The following GRAMD1C variants were observed in gnomAD, a reference collection of about 807,000 sequenced individuals.
GRAMD1C encodes protein Aster-C.
In GRAMD1C, 89 loss-of-function variants were observed where a neutral mutation model predicts 97.8. The observed-to-expected ratio is 0.91, with a 90% CI of 0.77 to 1.09. The LOEUF (loss-of-function observed/expected upper bound fraction) is 1.09, where lower values mean the gene tolerates loss of function less well. GRAMD1C is among the 50% of genes least tolerant of loss of function. The pLI, the probability that GRAMD1C is intolerant of heterozygous loss-of-function variation, is 0.00. For missense variants in GRAMD1C, 740 were observed against 766.4 expected (o/e 0.97, Z 0.41); for synonymous variants, 256 against 267.0 (o/e 0.96, Z 0.40).
chr3:113,926,136 C>T lies in GRAMD1C; in HGVS notation c.1091-4578C>T, dbSNP rs549268160. Among the ~76,000 whole-genome samples the T allele has an allele frequency of 3.3e-5, 5 of 152,244 alleles. No homozygotes were observed. The South Asian group carries it at 6.2e-4, about 19-fold the overall frequency. The stretch of plus-strand genomic sequence containing the variant: ...GGGAAGTTTTTGTGGATGATATTTT[C>T]GAATATGTTGTCCAAGTTGCTTGTT... On this transcript the variant is annotated intron_variant, in intron 10 of 17. Coordinates refer to ENST00000358160, the MANE Select transcript of GRAMD1C (RefSeq NM_017577.5).
At chr3:113,933,309 G>A (rs1937509402) in intron 11 of GRAMD1C, among the ~76,000 whole-genome samples, 1 of 152,174 alleles carries the variant, frequency 6.6e-6, no homozygotes, top group African/African-American at 2.4e-5. Flanking sequence ...TGGGATTACA[G>A]GCATAAGCCG....
In GRAMD1C at chr3:113,945,663, C is replaced by T. The variant is rs549033976; in HGVS notation, c.*185C>T. The T allele has an allele frequency of 3.0e-4, 160 of 530,560 alleles. No individual in the cohort carries two copies. The highest frequency in any genetic ancestry group is 2.8e-3 in the African/African-American group (142 of 50,970). The allele number at this position is 530,560 out of a possible 1,614,324, so 32.9% of individuals were successfully genotyped here. On this transcript the variant is annotated 3_prime_UTR_variant, in exon 18 of 18. Transcript: ENST00000358160. ...TTAGTTTCTGCTGGCCTTAATAATCCATCCTTTCACTTCTTATAGATATTT... is the reference window on the plus strand; with the variant it reads ...TTAGTTTCTGCTGGCCTTAATAATCTATCCTTTCACTTCTTATAGATATTT...
chr3:113,918,214 C>T (rs1393915244), intron 10 of GRAMD1C, among the ~76,000 whole-genome samples: 1 of 152,078 alleles, frequency 6.6e-6, no homozygotes, highest in Non-Finnish European at 1.5e-5. Context: ...TATAAATCTT[C>T]CTCTTTACTC....
intron 6 of GRAMD1C, chr3:113,885,565 C>T: frequency 6.4e-7 from 1 of 1,566,422 alleles, no homozygotes; most frequent in Admixed American, 1.7e-5. Context: ...CCTGTTAGGC[C>T]TCCTGACTTC....
intron 10 of GRAMD1C, among the ~76,000 whole-genome samples, chr3:113,917,765 T>G (rs1457871904): frequency 2.0e-5 from 3 of 150,080 alleles, no homozygotes; most frequent in African/African-American, 7.4e-5. Context: ...CAATCTCGGC[T>G]CACTGCAACC....
intron 6 of GRAMD1C, among the ~76,000 whole-genome samples, chr3:113,887,250 C>T (rs1288122090): frequency 1.3e-5 from 2 of 151,728 alleles, no homozygotes; most frequent in African/African-American, 4.8e-5. Flanking sequence ...GCCACCACAC[C>T]CAGCTAATTT....
intron 9 of GRAMD1C, among the ~76,000 whole-genome samples, chr3:113,909,410 A>G (rs1296404703): frequency 1.3e-5 from 2 of 152,240 alleles, no homozygotes; most frequent in Non-Finnish European, 2.9e-5. Flanking sequence ...GCAGTGTGAT[A>G]TGCTCACACG....
At position 113,901,125 on chromosome 3, in the gene GRAMD1C, C is replaced by A; in HGVS notation, c.635C>A (p.Ser212Ter). 1 of 1,589,472 alleles carries A rather than the reference C, an allele frequency of 6.3e-7. No homozygotes were observed. Among genetic ancestry groups the A allele is most frequent in the South Asian group, 1.1e-5 (1 of 90,364 alleles). Residue 212 changes from serine to a stop codon, truncating the protein, a stop_gained, in exon 7 of 18, where the codon TCG becomes TAG. Coordinates refer to ENST00000358160, the MANE Select transcript of GRAMD1C (RefSeq NM_017577.5). LOFTEE classifies it high-confidence loss of function. ...NAEEMENLSLSIEDVQPRSPG... is the reference protein window; with the variant it reads ...NAEEMENLSL ...GAGGAGATGGAAAACTTGTCACTGT[C>A]GATTGAGGATGTGCAGCCAAGGTAC...
rs143560955 is a variant in GRAMD1C at position 113,854,509 on chromosome 3, G to C, written c.174+9860G>C. 5.4e-4 allele frequency among the ~76,000 whole-genome samples: 82 copies of C among 152,308 alleles called. No homozygotes were observed. In the East Asian group the frequency reaches 8.9e-3, roughly 16 times the overall value. On this transcript the variant is annotated intron_variant, in intron 2 of 17. Transcript: ENST00000358160. ...ACAATGATCTACTGCGTTAGGTTGA[G>C]TTAGGTGCAACCTGAGAGTTGGGCA...
intron 3 of GRAMD1C, among the ~76,000 whole-genome samples, chr3:113,874,844 G>A (rs947176794): frequency 2.0e-5 from 3 of 152,074 alleles, no homozygotes; most frequent in Admixed American, 2.0e-4. Context: ...ACTTTTCTCT[G>A]GACTTCCAAC....
chr3:113,883,525 A>C (rs545677882), intron 6 of GRAMD1C, among the ~76,000 whole-genome samples: 2,056 of 136,226 alleles, frequency 0.015, 24 homozygotes, highest in African/African-American at 0.054. Flanking sequence ...ATCCTGTTTC[A>C]AAAAAAAAAA....
intron 5 of GRAMD1C, among the ~76,000 whole-genome samples, chr3:113,879,872 T>G (rs1383583671): frequency 6.6e-6 from 1 of 152,062 alleles, no homozygotes; most frequent in Non-Finnish European, 1.5e-5. Context: ...TTTTGTATTT[T>G]TAGTAGAGAC....
At chr3:113,859,134 T>C (rs183764106) in intron 2 of GRAMD1C, among the ~76,000 whole-genome samples, 1 of 152,298 alleles carries the variant, frequency 6.6e-6, no homozygotes, top group African/African-American at 2.4e-5. Flanking sequence ...TATATTTTAC[T>C]CTTTCTCTTC....
chr3:113,877,324 C>T (rs533649776), intron 5 of GRAMD1C, among the ~76,000 whole-genome samples: 3 of 152,268 alleles, frequency 2.0e-5, no homozygotes, highest in South Asian at 4.1e-4. Context: ...AATTCAACAT[C>T]GAAAAATTAA....
chr3:113,849,463 C>T (rs536580655), intron 2 of GRAMD1C, among the ~76,000 whole-genome samples: 208 of 151,820 alleles, frequency 1.4e-3, no homozygotes, highest in African/African-American at 4.9e-3. Flanking sequence ...GTTTGTGTCC[C>T]TGGGTACTTG....
chr3:113,859,297 GT>G (rs1934276716), intron 2 of GRAMD1C, among the ~76,000 whole-genome samples: 1 of 152,056 alleles, frequency 6.6e-6, no homozygotes, highest in African/African-American at 2.4e-5. Context: ...AGTTCCGTGT[GT>G]TATTTTATTT....
chr3:113,932,072 G>A (rs1390897056), intron 11 of GRAMD1C, among the ~76,000 whole-genome samples: 1 of 152,194 alleles, frequency 6.6e-6, no homozygotes, highest in Admixed American at 6.5e-5. Context: ...ATTAAATACT[G>A]TATGAGCTAT....
intron 9 of GRAMD1C, among the ~76,000 whole-genome samples, chr3:113,911,962 C>G (rs541243933): frequency 2.0e-5 from 3 of 151,978 alleles, no homozygotes; most frequent in Non-Finnish European, 4.4e-5. Flanking sequence ...CTCCTGACCT[C>G]GTGATCAGCC....
intron 6 of GRAMD1C, among the ~76,000 whole-genome samples, chr3:113,894,558 C>T (rs552782947): frequency 1.6e-3 from 246 of 152,244 alleles, no homozygotes; most frequent in South Asian, 2.5e-3. Context: ...GGATTACAGA[C>T]GTGAGCCACC....
Sources: allele counts gnomAD v4.1 joint callset (sites outside exome capture counted in the v4.1 genomes callset), GRCh38; gene constraint gnomAD v4.1.1; transcripts MANE v1.5; gene names NCBI Gene and HGNC (gene_info 2026-07-23, HGNC 2026-07-21).